Variants in URI1 observed in about 807,000 individuals in gnomAD.
URI1 encodes the protein unconventional prefoldin RPB5 interactor 1.
A neutral mutation model predicts 60.2 loss-of-function variants in URI1; 39 were observed. That is an observed-to-expected ratio of 0.65 (90% CI 0.50 to 0.85). The LOEUF (loss-of-function observed/expected upper bound fraction) is 0.85. Among genes scored for constraint, URI1 ranks in the 40% least tolerant of loss-of-function variants. The pLI is 0.00. For missense variants in URI1, 691 were observed against 665.9 expected (o/e 1.04, Z -0.42); for synonymous variants, 251 against 236.8 (o/e 1.06, Z -0.55).
At position 29,926,273 on chromosome 19, in the gene URI1, T is replaced by C. The variant is rs547584176; in HGVS notation, c.63+2519T>C. On this transcript the variant is annotated intron_variant, in intron 1 of 10. Coordinates refer to the URI1 transcript ENST00000360605. ...CTTCCTTCCTTCCTTCCTTCCTTCC[T>C]TCCTTCCTTCCTACCTTCTTTCCTT... is the stretch of plus-strand genomic sequence containing the variant. 4.9e-5 allele frequency among the ~76,000 whole-genome samples: 7 copies of C among 143,864 alleles called. No homozygotes were observed. In the East Asian group the frequency reaches 1.3e-3, roughly 28 times the overall value. The allele number at this position is 143,864 out of a possible 152,430, so 94.4% of individuals were successfully genotyped here.
At chr19:29,972,326 T>A (rs1359329888) in intron 2 of URI1, among the ~76,000 whole-genome samples, 1 of 152,148 alleles carries the variant, frequency 6.6e-6, no homozygotes, top group East Asian at 1.9e-4. Flanking sequence ...GTGTTAGCAT[T>A]TCCATAATGG....
At position 30,015,698 on chromosome 19, in the gene URI1, T is replaced by C. The variant is rs1291932654; in HGVS notation, c.*629T>C. The C allele has an allele frequency of 1.9e-6, 2 of 1,037,824 alleles. No homozygotes were observed. The highest frequency in any genetic ancestry group is 2.8e-6 in the Non-Finnish European group (2 of 725,416). 64.3% of individuals were successfully genotyped at this position (1,037,824 alleles called of 1,614,324 possible). A position where few individuals can be genotyped will look rare whatever the true frequency, so the allele number is the denominator to read the frequency against. On this transcript the variant is annotated 3_prime_UTR_variant, in exon 11 of 11. Transcript: ENST00000392271. ...TTCCAAGTAAAAACTTTATGAAACT[T>C]GGTCTCAAAAATGTTGTGAACTTTA...
intron 2 of URI1, among the ~76,000 whole-genome samples, chr19:29,976,633 C>T (rs1164736561): frequency 6.6e-6 from 1 of 152,084 alleles, no homozygotes; most frequent in East Asian, 1.9e-4. Flanking sequence ...TTGAATAGGT[C>T]CTACACACAC....
chr19:29,929,215 T>C (rs967241484), intron 1 of URI1, among the ~76,000 whole-genome samples: 1 of 152,206 alleles, frequency 6.6e-6, no homozygotes, highest in Non-Finnish European at 1.5e-5. Context: ...TCTTCCAGAA[T>C]GGCTGTACCA....
chr19:30,016,565 T>A lies in URI1; in HGVS notation c.*1496T>A, dbSNP rs1249236549. Reference sequence around the variant, plus strand: ...GACTATTGTGGTGTTCTTAACAGATTTGTAATTTCAAGATGCGTGTCATTA... The same window carrying A: ...GACTATTGTGGTGTTCTTAACAGATATGTAATTTCAAGATGCGTGTCATTA... On this transcript the variant is annotated 3_prime_UTR_variant, in exon 11 of 11. Coordinates refer to ENST00000392271, the MANE Select transcript of URI1 (RefSeq NM_003796.3). 1 of 152,124 alleles carries A rather than the reference T, an allele frequency of 6.6e-6. No individual in the cohort carries two copies. The highest frequency in any genetic ancestry group is 2.4e-5 in the African/African-American group (1 of 41,464). 9.4% of individuals were successfully genotyped at this position (152,124 alleles called of 1,614,324 possible). A position where few individuals can be genotyped will look rare whatever the true frequency, so the allele number is the denominator to read the frequency against.
At position 30,012,405 on chromosome 19, in the gene URI1, T is replaced by C. The variant is rs1246408387; in HGVS notation, c.1299T>C (p.Asp433=). 1 of 1,614,040 alleles carries C rather than the reference T, an allele frequency of 6.2e-7. No homozygotes were observed. The highest frequency in any genetic ancestry group is 8.5e-7 in the Non-Finnish European group (1 of 1,180,022). The part of the protein sequence containing the change: ...TSESSAAEFD[D]RRGVLRSISC... The stretch of plus-strand genomic sequence containing the variant: ...AAAGCAGTGCTGCTGAATTTGATGA[T>C]AGGCGGGGAGTTTTGAGGAGTATCA... The change falls in exon 10 of 11, where the codon GAT becomes GAC. Residue 433 remains aspartate, a synonymous_variant. Transcript: ENST00000392271.
intron 1 of URI1, among the ~76,000 whole-genome samples, chr19:29,952,872 C>T (rs335053): frequency 0.96 from 145,638 of 152,292 alleles, 69,656 homozygotes; most frequent in East Asian, 1. Context: ...CTGTCATTCT[C>T]CCCTCCCCCA....
intron 4 of URI1, among the ~76,000 whole-genome samples, chr19:30,001,359 A>G (rs918669626): frequency 3.3e-5 from 5 of 151,906 alleles, no homozygotes; most frequent in Admixed American, 1.3e-4. Flanking sequence ...AGCAGATTCT[A>G]CAAAAGAGTC....
chr19:29,931,337 G>T (rs1236567722), intron 1 of URI1, among the ~76,000 whole-genome samples: 1 of 152,130 alleles, frequency 6.6e-6, no homozygotes, highest in East Asian at 1.9e-4. Flanking sequence ...GAAGGTGTTG[G>T]AAAAGCCAGT....
chr19:29,981,241 ATC>A (rs2055593813), intron 2 of URI1, among the ~76,000 whole-genome samples: 1 of 152,140 alleles, frequency 6.6e-6, no homozygotes, highest in South Asian at 2.1e-4. Flanking sequence ...TTGATCACCT[ATC>A]TGTCTGTACC....
At chr19:29,930,175 G>C (rs2054904539) in intron 1 of URI1, among the ~76,000 whole-genome samples, 1 of 152,062 alleles carries the variant, frequency 6.6e-6, no homozygotes, top group African/African-American at 2.4e-5. Flanking sequence ...CTGACCTCAA[G>C]TGATCTGCCC....
intron 1 of URI1, among the ~76,000 whole-genome samples, chr19:29,947,180 A>G (rs2055112767): frequency 6.6e-6 from 1 of 152,156 alleles, no homozygotes; most frequent in African/African-American, 2.4e-5. Context: ...TTTGGTTTTC[A>G]TATTTGTGAG....
chr19:29,957,711 C>T (rs1037159498), intron 1 of URI1, among the ~76,000 whole-genome samples: 8 of 151,904 alleles, frequency 5.3e-5, no homozygotes, highest in Non-Finnish European at 1.2e-4. Context: ...ATCTAAAGAT[C>T]GGTTTGAGGA....
At chr19:29,971,800 G>A (rs906700192) in intron 2 of URI1, among the ~76,000 whole-genome samples, 1 of 151,612 alleles carries the variant, frequency 6.6e-6, no homozygotes, top group African/African-American at 2.4e-5. Flanking sequence ...GAAAATGCTC[G>A]ATTTAATGGT....
Position 29,942,677 on chromosome 19 carries a change from C to G in URI1, c.117+13C>G. ...GGAGCAGGAAAAGGTAACTAGCAGC[C>G]CCGCGCCGCTTCCGCCTCCGCCCGC... On this transcript the variant is annotated intron_variant, in intron 1 of 10. Transcript: ENST00000392271. 7.2e-7 allele frequency: 1 copy of G among 1,385,892 alleles called. No homozygotes were observed. The highest frequency in any genetic ancestry group is 9.3e-7 in the Non-Finnish European group (1 of 1,071,810). 85.8% of individuals were successfully genotyped at this position (1,385,892 alleles called of 1,614,324 possible).
intron 1 of URI1, among the ~76,000 whole-genome samples, chr19:29,929,575 C>CCA (rs1174766087): frequency 6.6e-6 from 1 of 151,824 alleles, no homozygotes; most frequent in Non-Finnish European, 1.5e-5. Flanking sequence ...CCATCCTGGG[C>CCA]CACAGAGTGA....
Position 30,009,293 on chromosome 19 carries a change from A to G in URI1, c.975A>G (p.Leu325=). The G allele has an allele frequency of 6.2e-7, 1 of 1,614,090 alleles. No homozygotes were observed. The highest frequency in any genetic ancestry group is 2.2e-5 in the East Asian group (1 of 44,878). Residue 325 remains leucine (L), a synonymous_variant, in exon 8 of 11, where the codon TTA becomes TTG. Coordinates refer to ENST00000392271, the MANE Select transcript of URI1 (RefSeq NM_003796.3). ...DDDGDNDHEA[L]GVGDNSIPTI... ...ATGGTGATAACGACCATGAGGCTTT[A>G]GGGGTTGGAGATAATTCTATACCAA...
In URI1 at chr19:30,007,534, T is replaced by C. The variant is rs779540770; in HGVS notation, c.582T>C (p.Asp194=). ...KPKTSDIFEA[D]IANDVKSKDL... is the part of the protein sequence containing the mutation. Reference sequence around the variant, plus strand: ...AAACTTCAGATATTTTTGAAGCAGATATTGCAAATGATGTGAAATCCAAGG... The same window carrying C: ...AAACTTCAGATATTTTTGAAGCAGACATTGCAAATGATGTGAAATCCAAGG... Residue 194 remains aspartate, a synonymous_variant, in exon 7 of 11, where the codon GAT becomes GAC. Coordinates refer to ENST00000392271, the MANE Select transcript of URI1 (RefSeq NM_003796.3). The C allele has an allele frequency of 1.9e-6, 3 of 1,613,412 alleles. No homozygotes were observed. The highest frequency in any genetic ancestry group is 2.5e-6 in the Non-Finnish European group (3 of 1,179,636).
intron 1 of URI1, among the ~76,000 whole-genome samples, chr19:29,944,607 G>A (rs2055080902): frequency 6.6e-6 from 1 of 152,182 alleles, no homozygotes; most frequent in Non-Finnish European, 1.5e-5. Flanking sequence ...TTCAGTTACA[G>A]TCTTGTGGCA....
Sources: allele counts gnomAD v4.1 joint callset (sites outside exome capture counted in the v4.1 genomes callset), GRCh38; gene constraint gnomAD v4.1.1; transcripts MANE v1.5; gene names NCBI Gene and HGNC (gene_info 2026-07-23, HGNC 2026-07-21).